Variants in LRBA observed in about 807,000 individuals in gnomAD.
The protein encoded by LRBA is LPS responsive beige-like anchor protein, also known as lipopolysaccharide-responsive and beige-like anchor protein.
LRBA carries 176 observed loss-of-function variants against 330.0 expected under a neutral mutation model. That is an observed-to-expected ratio of 0.53 (90% CI 0.47 to 0.60). LRBA has a LOEUF of 0.60. Among genes scored for constraint, LRBA ranks in the 20% least tolerant of loss-of-function variants. The probability of loss-of-function intolerance (pLI) is 0.00; values close to 1 mark genes in which losing one functional copy is unlikely to be tolerated. For missense variants in LRBA, 3,259 were observed against 3,444.8 expected (o/e 0.95, Z 1.35); for synonymous variants, 1,230 against 1,193.0 (o/e 1.03, Z -0.64).
At chr4:150,733,856 T>G (rs957506230) in intron 36 of LRBA, among the ~76,000 whole-genome samples, 2 of 152,126 alleles carry the variant, frequency 1.3e-5, no homozygotes, top group African/African-American at 4.8e-5. Flanking sequence ...CCAAATTCTC[T>G]TATTAACTCT....
At chr4:150,923,676 G>C (rs1415519847) in intron 4 of LRBA, among the ~76,000 whole-genome samples, 1 of 152,150 alleles carries the variant, frequency 6.6e-6, no homozygotes, top group Non-Finnish European at 1.5e-5. Context: ...AATCTCATTT[G>C]CAGTTACAAG....
At chr4:150,986,713 TGTG>T (rs1167223021) in intron 2 of LRBA, among the ~76,000 whole-genome samples, 1 of 152,186 alleles carries the variant, frequency 6.6e-6, no homozygotes, top group Non-Finnish European at 1.5e-5. Flanking sequence ...CTACTCATGT[TGTG>T]GTGACTGAAA....
chr4:150,452,217 G>C (rs1355236445), intron 44 of LRBA, among the ~76,000 whole-genome samples: 1 of 152,026 alleles, frequency 6.6e-6, no homozygotes, highest in African/African-American at 2.4e-5. Context: ...ATCACAATCT[G>C]GTTTATCACA....
chr4:150,412,498 G>T (rs1747145305), intron 47 of LRBA, among the ~76,000 whole-genome samples: 1 of 152,146 alleles, frequency 6.6e-6, no homozygotes, highest in African/African-American at 2.4e-5. Context: ...CTTCTGAGGT[G>T]AAGGCAGTGA....
chr4:150,339,597 C>T (rs553443744), intron 48 of LRBA, among the ~76,000 whole-genome samples: 3 of 152,206 alleles, frequency 2.0e-5, no homozygotes, highest in South Asian at 2.1e-4. Context: ...TCCATGATCT[C>T]ATTAACCAAA....
chr4:150,880,795 G>C (rs1290711292), intron 17 of LRBA, among the ~76,000 whole-genome samples: 3 of 152,114 alleles, frequency 2.0e-5, no homozygotes, highest in Non-Finnish European at 4.4e-5. Context: ...CTGTGCATTT[G>C]ACAAAGGTCT....
chr4:150,685,358 T>C (rs1234159000), intron 36 of LRBA, among the ~76,000 whole-genome samples: 1 of 121,388 alleles, frequency 8.2e-6, no homozygotes, highest in Non-Finnish European at 1.6e-5. Flanking sequence ...ATCCTTTGCA[T>C]GGTGTATATG....
intron 43 of LRBA, among the ~76,000 whole-genome samples, chr4:150,469,836 C>T (rs971040375): frequency 6.6e-6 from 1 of 152,144 alleles, no homozygotes; most frequent in African/African-American, 2.4e-5. Context: ...CCTCCTCTTA[C>T]ATCATTTCTC....
chr4:150,983,573 C>T (rs1223627813), intron 2 of LRBA, among the ~76,000 whole-genome samples: 1 of 151,576 alleles, frequency 6.6e-6, no homozygotes, highest in Admixed American at 6.6e-5. Context: ...CTGCCTCAGC[C>T]TCCCGAGTAG....
intron 36 of LRBA, among the ~76,000 whole-genome samples, chr4:150,717,386 C>T (rs1728343021): frequency 6.6e-6 from 1 of 151,866 alleles, no homozygotes; most frequent in Admixed American, 6.6e-5. Context: ...ATATAGATTG[C>T]TATATTTGCC....
At position 150,590,847 on chromosome 4, in the gene LRBA, T is replaced by C. The variant is rs367690813; in HGVS notation, c.6059A>G (p.Asp2020Gly). ...GGACTGTTTTCCTTTAGCAAGGATA[T>C]CTTCATCTGTGGCTGAAATGAAAAG... ...KTAVEHATDE[D>G]ILAKGKQSIR... The change falls in exon 39 of 57, where the codon GAT (aspartate) becomes GGT (glycine). Residue 2020 changes from aspartate to glycine, a missense_variant. Coordinates refer to ENST00000651943, the MANE Select transcript of LRBA (RefSeq NM_001364905.1). 5 of 1,613,740 alleles carry C rather than the reference T, an allele frequency of 3.1e-6. No homozygotes were observed. Among genetic ancestry groups the C allele is most frequent in the African/African-American group, 2.7e-5 (2 of 74,912 alleles).
At chr4:150,393,617 T>C (rs182430958) in intron 47 of LRBA, among the ~76,000 whole-genome samples, 28 of 152,236 alleles carry the variant, frequency 1.8e-4, no homozygotes, top group Non-Finnish European at 1.6e-4. Context: ...CCCTAGTAGC[T>C]GGGACTAAAG....
intron 35 of LRBA, among the ~76,000 whole-genome samples, chr4:150,741,855 G>C (rs1732023338): frequency 6.6e-6 from 1 of 151,936 alleles, no homozygotes; most frequent in South Asian, 2.1e-4. Flanking sequence ...ATTAAGAAAT[G>C]GTAACCTTCA....
rs755713891 is a variant in LRBA, at chr4:150,928,967, C to G, written c.315G>C (p.Thr105=). The change falls in exon 3 of 57, where the codon ACG becomes ACC. Residue 105 remains threonine, a synonymous_variant. Coordinates refer to ENST00000651943, the MANE Select transcript of LRBA (RefSeq NM_001364905.1). ...ACATGCTCCAGACTTCTGCTTGGCA[C>G]GTAATGTCACATTTTTCCAGTAGGT... ...MVDLLEKCDI[T]CQAEVWSMFT... 3.7e-6 allele frequency: 6 copies of G among 1,613,702 alleles called. No individual in the cohort carries two copies. Among genetic ancestry groups the G allele is most frequent in the Non-Finnish European group, 5.1e-6 (6 of 1,179,852 alleles).
chr4:150,401,152 C>T (rs1745406048), intron 47 of LRBA, among the ~76,000 whole-genome samples: 1 of 152,206 alleles, frequency 6.6e-6, no homozygotes, highest in Non-Finnish European at 1.5e-5. Context: ...AATTGAAGGA[C>T]CTATCAGAAG....
At chr4:150,310,600 G>A in intron 51 of LRBA, 2 of 461,906 alleles carry the variant, frequency 4.3e-6, no homozygotes, top group Admixed American at 3.7e-5. Flanking sequence ...TTAGAGGAAA[G>A]AAAGAATAAC....
intron 2 of LRBA, among the ~76,000 whole-genome samples, chr4:150,997,947 G>A (rs1037049785): frequency 2.0e-5 from 3 of 151,998 alleles, no homozygotes; most frequent in South Asian, 2.1e-4. Context: ...CAAGTGATCC[G>A]CCCACCTCGG....
At chr4:150,915,754 T>C (rs1462676242) in intron 7 of LRBA, 27 bp from the exon 8 acceptor site, 3 of 1,569,318 alleles carry the variant, frequency 1.9e-6, no homozygotes, top group Non-Finnish European at 8.6e-7. Flanking sequence ...CAGTTAAAAA[T>C]ACAAAGATAA....
intron 2 of LRBA, chr4:151,012,676 C>T (rs1353961041): frequency 2.6e-5 from 4 of 152,246 alleles, no homozygotes; most frequent in East Asian, 3.9e-4. Context: ...TATATTTGAA[C>T]ATTTCCATAA....
Sources: gnomAD v4.1 joint callset for allele counts (sites outside exome capture counted in the v4.1 genomes callset) on GRCh38, gnomAD v4.1.1 for gene constraint, MANE v1.5 for transcripts, NCBI Gene and HGNC (gene_info 2026-07-23, HGNC 2026-07-21) for gene names.